The following SLC6A4 variants were observed in gnomAD, a reference collection of about 807,000 sequenced individuals.
The protein encoded by SLC6A4 is sodium-dependent serotonin transporter.
Under a neutral mutation model 73.4 loss-of-function variants are expected in SLC6A4, and 22 were observed. The ratio of observed to expected loss-of-function variants is 0.30; its 90% CI spans 0.21 to 0.43. The LOEUF is 0.43. Ranked by LOEUF, SLC6A4 falls within the 20% of genes least tolerant of loss-of-function variation. The pLI, the probability that SLC6A4 is intolerant of heterozygous loss-of-function variation, is 1.00. For missense variants in SLC6A4, 593 were observed against 808.5 expected, an observed-to-expected ratio of 0.73 and a Z score of 3.23; for synonymous variants, 270 against 315.5, an observed-to-expected ratio of 0.86 and a Z score of 1.53.
At chr17:30,208,938 G>A (rs981588868) in intron 12 of SLC6A4, among the ~76,000 whole-genome samples, 1 of 151,862 alleles carries the variant, frequency 6.6e-6, no homozygotes, top group Non-Finnish European at 1.5e-5. Flanking sequence ...CTGATCTCAG[G>A]TGATCCACCT....
At chr17:30,204,008 T>A (rs8071583) in intron 13 of SLC6A4, among the ~76,000 whole-genome samples, 149,507 of 152,354 alleles carry the variant, frequency 0.98, 73,378 homozygotes, top group East Asian at 1. Context: ...ACAATGAATG[T>A]CTGCCTGCCA....
chr17:30,231,333 T>G (rs1597647771), intron 1 of SLC6A4, among the ~76,000 whole-genome samples: 1 of 151,036 alleles, frequency 6.6e-6, no homozygotes, highest in East Asian at 1.9e-4. Flanking sequence ...ATATACACAC[T>G]ATATATATCT....
intron 2 of SLC6A4, 56 bp downstream of exon 2, chr17:30,222,763 C>T (rs143344133): frequency 9.3e-6 from 12 of 1,293,378 alleles, no homozygotes; most frequent in South Asian, 7.4e-5. Flanking sequence ...GGCCTTTCTG[C>T]GTTCCCATTA....
intron 12 of SLC6A4, among the ~76,000 whole-genome samples, chr17:30,208,812 C>G (rs1356874200): frequency 6.6e-6 from 1 of 152,138 alleles, no homozygotes; most frequent in Non-Finnish European, 1.5e-5. Flanking sequence ...CTGCCTCAGC[C>G]TCCTGAGTAG....
At chr17:30,221,390 C>T (rs1279909172) in intron 3 of SLC6A4, among the ~76,000 whole-genome samples, 3 of 151,478 alleles carry the variant, frequency 2.0e-5, no homozygotes, top group African/African-American at 7.3e-5. Flanking sequence ...GACCTACAGC[C>T]CATCCCAGGT....
In SLC6A4 at chr17:30,230,145, AG is replaced by A. The variant is rs1251209041; in HGVS notation, c.-221+5467del. On this transcript the variant is annotated intron_variant, in intron 1 of 14. Coordinates refer to ENST00000650711, the MANE Select transcript of SLC6A4 (RefSeq NM_001045.6). ...GAAGAGGAGGAGGAGGAGGAGGAGGAGGAGGAAGAGGAAGAGGAAGAAGAAG... is the reference window on the plus strand; with the variant it reads ...GAAGAGGAGGAGGAGGAGGAGGAGGAGAGGAAGAGGAAGAGGAAGAAGAAG... Among the ~76,000 whole-genome samples, 194 of 152,076 alleles carry A rather than the reference AG, an allele frequency of 1.3e-3. 2 individuals are homozygous for A. The highest frequency in any genetic ancestry group is 2.3e-3 in the Non-Finnish European group (154 of 67,962).
intron 1 of SLC6A4, among the ~76,000 whole-genome samples, chr17:30,229,433 GTTCT>G (rs771058016): frequency 6.6e-6 from 1 of 152,170 alleles, no homozygotes; most frequent in Non-Finnish European, 1.5e-5. Context: ...CTGATTCGAA[GTTCT>G]TTCTTTATTT....
In SLC6A4 at chr17:30,217,254, C is replaced by A. The variant is rs774549180; in HGVS notation, c.749G>T (p.Gly250Val). 1.2e-6 allele frequency: 2 copies of A among 1,613,726 alleles called. No homozygotes were observed. The highest frequency in any genetic ancestry group is 1.7e-4 in the Middle Eastern group (1 of 6,060). The change falls in exon 6 of 15, where the codon GGC becomes GTC. Residue 250 changes from glycine (G) to valine (V), a missense_variant. Transcript: ENST00000650711. ...HRSKGLQDLG[G>V]ISWQLALCIM... ...GCAGAGGGCCAGCTGCCAGCTGATGCCCCCCAGGTCCTGGAGCCCCTTAGA... is the reference window on the plus strand; with the variant it reads ...GCAGAGGGCCAGCTGCCAGCTGATGACCCCCAGGTCCTGGAGCCCCTTAGA...
At chr17:30,209,916 A>G (rs2143014169) in intron 11 of SLC6A4, among the ~76,000 whole-genome samples, 1 of 152,264 alleles carries the variant, frequency 6.6e-6, no homozygotes, top group African/African-American at 2.4e-5. Flanking sequence ...CCAGGATACC[A>G]GACACATTAA....
chr17:30,215,312 G>C (rs1390484819), intron 8 of SLC6A4, among the ~76,000 whole-genome samples: 2 of 152,142 alleles, frequency 1.3e-5, no homozygotes, highest in African/African-American at 4.8e-5. Flanking sequence ...CAAAGTGCTG[G>C]GATTACAGGC....
intron 6 of SLC6A4, 40 bp from the exon 7 acceptor site, chr17:30,216,256 G>T (rs1161599420): frequency 1.2e-6 from 1 of 839,386 alleles, no homozygotes. Flanking sequence ...GTTCCAGGGA[G>T]GGGAGGGGAG....
intron 14 of SLC6A4, among the ~76,000 whole-genome samples, chr17:30,202,147 T>C (rs1345352951): frequency 6.6e-6 from 1 of 152,180 alleles, no homozygotes; most frequent in Non-Finnish European, 1.5e-5. Context: ...TCTCATTTCT[T>C]ATGAAATGTC....
Position 30,235,392 on chromosome 17 carries a change from C to G in SLC6A4, c.-221+221G>C, listed in dbSNP as rs1907239266. On this transcript the variant is annotated intron_variant, in intron 1 of 14. Transcript: ENST00000650711. The surrounding 1 kb of genome is among the most constrained non-coding windows in gnomAD (Gnocchi z 4.5). ...CTACGCCCGCCCACTTCGAGCACTC[C>G]ACGTTCCTCGTCTCCCACTCTGGCC... Among the ~76,000 whole-genome samples, 3 of 152,200 alleles carry G rather than the reference C, an allele frequency of 2.0e-5. No individual in the cohort carries two copies. The South Asian group carries it at 6.2e-4, about 31-fold the overall frequency.
chr17:30,205,723 G>T (rs1906171740), intron 13 of SLC6A4, among the ~76,000 whole-genome samples: 1 of 152,150 alleles, frequency 6.6e-6, no homozygotes, highest in Non-Finnish European at 1.5e-5. Context: ...AAACCTCCAG[G>T]GTCTGGGGGA....
chr17:30,233,407 C>T (rs565328460), intron 1 of SLC6A4, among the ~76,000 whole-genome samples: 67 of 152,304 alleles, frequency 4.4e-4, no homozygotes, highest in South Asian at 1.7e-3. Flanking sequence ...CAGGGGTTAA[C>T]TTACTTACAT....
intron 1 of SLC6A4, among the ~76,000 whole-genome samples, chr17:30,227,148 C>T (rs1325332110): frequency 6.6e-6 from 1 of 152,204 alleles, no homozygotes; most frequent in Admixed American, 6.5e-5. Flanking sequence ...TCTCACAGGA[C>T]CTTGGCTGTT....
At chr17:30,209,302 A>G (rs1422602201) in intron 11 of SLC6A4, 60 bp from the exon 12 acceptor site, 1 of 1,011,014 alleles carries the variant, frequency 9.9e-7, no homozygotes, top group East Asian at 2.4e-5. Context: ...TCCCAACTAC[A>G]GAGACCTGCA....
intron 1 of SLC6A4, among the ~76,000 whole-genome samples, chr17:30,229,068 T>C (rs1454068751): frequency 6.6e-6 from 1 of 152,168 alleles, no homozygotes; most frequent in African/African-American, 2.4e-5. Flanking sequence ...TAAGGGGCCC[T>C]GTCCCTCCCT....
chr17:30,198,422 T>G lies in SLC6A4; in HGVS notation c.*34A>C. 1 of 1,270,748 alleles carries G rather than the reference T, an allele frequency of 7.9e-7. No individual in the cohort carries two copies. The highest frequency in any genetic ancestry group is 1.1e-6 in the Non-Finnish European group (1 of 883,576). 78.7% of individuals were successfully genotyped at this position (1,270,748 alleles called of 1,614,324 possible). ...GCCTCATCAGAACTGGAGGAGGAGG[T>G]TGTGGAGAAGCCTTTTTCCTCTCGG... On this transcript the variant is annotated 3_prime_UTR_variant, in exon 15 of 15. Transcript: ENST00000650711.
Sources: allele counts gnomAD v4.1 joint callset (sites outside exome capture counted in the v4.1 genomes callset), GRCh38; gene constraint gnomAD v4.1.1; non-coding constraint Gnocchi (gnomAD v3.1); transcripts MANE v1.5; gene names NCBI Gene and HGNC (gene_info 2026-07-23, HGNC 2026-07-21).